CAPRIN1: variants seen among roughly 807,000 people sequenced by gnomAD.
CAPRIN1 encodes caprin-1.
CAPRIN1 carries 29 observed loss-of-function variants against 100.9 expected under a neutral mutation model. That is an observed-to-expected ratio of 0.29 (90% CI 0.21 to 0.39). The LOEUF (loss-of-function observed/expected upper bound fraction) is 0.39. Among genes scored for constraint, CAPRIN1 ranks in the 10% least tolerant of loss-of-function variants. CAPRIN1 has a pLI of 1.00. For missense variants in CAPRIN1, 795 were observed against 876.7 expected (o/e 0.91, Z 1.18); for synonymous variants, 338 against 307.5 (o/e 1.10, Z -1.04).
chr11:34,063,654 A>G (rs1850627384), intron 2 of CAPRIN1, among the ~76,000 whole-genome samples: 1 of 152,116 alleles, frequency 6.6e-6, no homozygotes, highest in Non-Finnish European at 1.5e-5. Context: ...CCTGATTTTT[A>G]TCTTGCTCAT....
chr11:34,068,035 C>T (rs1021660098), intron 2 of CAPRIN1, among the ~76,000 whole-genome samples: 1 of 152,164 alleles, frequency 6.6e-6, no homozygotes, highest in Non-Finnish European at 1.5e-5. Flanking sequence ...GGGATTCAGA[C>T]AGGGCACACA....
chr11:34,078,257 GTTTA>G (rs1850943200), intron 6 of CAPRIN1, among the ~76,000 whole-genome samples: 2 of 152,170 alleles, frequency 1.3e-5, no homozygotes, highest in South Asian at 4.1e-4. Flanking sequence ...GTTGTTGGTA[GTTTA>G]TTAAGATTAA....
chr11:34,071,867 T>A, intron 3 of CAPRIN1, 34 bp from the exon 4 acceptor site: 2 of 1,597,914 alleles, frequency 1.3e-6, no homozygotes, highest in Non-Finnish European at 8.6e-7. Context: ...GTTTTTTGTC[T>A]TTCCAGTAAA....
chr11:34,085,989 G>A (rs1851134021), intron 9 of CAPRIN1, 75 bp from the exon 10 acceptor site: 2 of 1,216,666 alleles, frequency 1.6e-6, no homozygotes, highest in Admixed American at 2.0e-5. Context: ...TGTAGTGTGG[G>A]GGACCCATCA....
At chr11:34,080,840 G>A (rs908479577) in intron 7 of CAPRIN1, among the ~76,000 whole-genome samples, 3 of 152,316 alleles carry the variant, frequency 2.0e-5, no homozygotes, top group African/African-American at 7.2e-5. Flanking sequence ...CTTAGTAACT[G>A]GTAGCTAGTA....
chr11:34,068,564 A>G (rs998866845), intron 2 of CAPRIN1, among the ~76,000 whole-genome samples: 3 of 152,236 alleles, frequency 2.0e-5, no homozygotes, highest in African/African-American at 7.2e-5. Context: ...AGCTTGTCCT[A>G]CTATAGGATA....
chr11:34,076,705 T>A, intron 6 of CAPRIN1, 63 bp downstream of exon 6: 1 of 1,169,478 alleles, frequency 8.6e-7, no homozygotes, highest in South Asian at 1.3e-5. Flanking sequence ...AATTTTCTTA[T>A]GTTTATAGTT....
chr11:34,060,878 A>C (rs1315702846), intron 2 of CAPRIN1, among the ~76,000 whole-genome samples: 1 of 152,252 alleles, frequency 6.6e-6, no homozygotes, highest in Non-Finnish European at 1.5e-5. Context: ...GCTTGGTTAA[A>C]GCAACTAATA....
chr11:34,056,439 C>T (rs1423045250), intron 2 of CAPRIN1: 1 of 152,094 alleles, frequency 6.6e-6, no homozygotes, highest in Non-Finnish European at 1.5e-5. Context: ...GAAATATGAT[C>T]GTGTTATGTA....
intron 2 of CAPRIN1, chr11:34,062,962 A>G (rs1283226496): frequency 7.2e-5 from 11 of 152,118 alleles, no homozygotes; most frequent in Admixed American, 5.2e-4. Context: ...GGAGTTTATC[A>G]TCTCTCTTTG....
chr11:34,063,577 TCTA>T, intron 2 of CAPRIN1, among the ~76,000 whole-genome samples: 1 of 152,294 alleles, frequency 6.6e-6, no homozygotes, highest in Non-Finnish European at 1.5e-5. Flanking sequence ...GACTCTGACA[TCTA>T]CTGGGTGTGG....
At position 34,099,021 on chromosome 11, in the gene CAPRIN1, A is replaced by G. The variant is rs1003551805; in HGVS notation, c.2066-282A>G. ...CCAACGCTTGATGATGGTGCCTGGC[A>G]CATAGTAGGCACTCAATAAATATTT... On this transcript the variant is annotated intron_variant, in intron 18 of 18. Transcript: ENST00000341394. 10 of 1,299,946 alleles carry G rather than the reference A, an allele frequency of 7.7e-6. No homozygotes were observed. In the African/African-American group the frequency reaches 1.3e-4, roughly 17 times the overall value. 80.5% of individuals were successfully genotyped at this position (1,299,946 alleles called of 1,614,324 possible).
rs1850974455 is a variant in CAPRIN1, at chr11:34,079,713, GGAA to G, written c.780_782del (p.Glu261del). 6.2e-7 allele frequency: 1 copy of G among 1,613,998 alleles called. No homozygotes were observed. The highest frequency in any genetic ancestry group is 1.7e-5 in the Admixed American group (1 of 60,000). On this transcript the variant is annotated inframe_deletion, in exon 7 of 19. Transcript: ENST00000341394. ...ACAACCACCAGAATGGGCTGTGTGAGGAAGAAGAGGCAGCCTCAGCACCTGCAG... is the reference window on the plus strand; with the variant it reads ...ACAACCACCAGAATGGGCTGTGTGAGGAAGAGGCAGCCTCAGCACCTGCAG...
In CAPRIN1 at chr11:34,086,374, A is replaced by G. The variant is rs1414978752; in HGVS notation, c.1192A>G (p.Thr398Ala). Residue 398 changes from threonine (T) to alanine (A), a missense_variant, in exon 11 of 19, where the codon ACA becomes GCA. By Grantham distance (58) the Thr-to-Ala change is moderately conservative. Transcript: ENST00000341394. ...TGTATCTGCACAGCCTATGAATCCA[A>G]CACAAAACATGGACATGCCCCAGCT... ...AIVSAQPMNP[T>A]QNMDMPQLVC... 4 of 1,613,862 alleles carry G rather than the reference A, an allele frequency of 2.5e-6. No individual in the cohort carries two copies. Among genetic ancestry groups the G allele is most frequent in the South Asian group, 2.2e-5 (2 of 91,026 alleles).
At chr11:34,052,319 C>CTA in intron 1 of CAPRIN1, 102 bp from the exon 2 acceptor site, 2 of 995,146 alleles carry the variant, frequency 2.0e-6, no homozygotes, top group South Asian at 2.8e-5. Context: ...CGTAGGCTAC[C>CTA]GCTCGCTGCG....
At chr11:34,097,638 A>G in intron 17 of CAPRIN1, 60 bp from the exon 18 acceptor site, 1 of 1,596,112 alleles carries the variant, frequency 6.3e-7, no homozygotes. Flanking sequence ...GACTGAAAGA[A>G]TAGATGGGTA....
intron 11 of CAPRIN1, among the ~76,000 whole-genome samples, chr11:34,086,853 T>G (rs528766269): frequency 9.8e-5 from 15 of 152,310 alleles, no homozygotes; most frequent in Admixed American, 3.3e-4. Flanking sequence ...TTGCTTGGCT[T>G]TTAAAATTTC....
intron 2 of CAPRIN1, among the ~76,000 whole-genome samples, chr11:34,059,733 G>C (rs939288387): frequency 2.6e-5 from 4 of 152,078 alleles, no homozygotes; most frequent in Non-Finnish European, 5.9e-5. Flanking sequence ...TGTTAAAATG[G>C]ATTAATCCAT....
At chr11:34,063,204 C>G (rs897498530) in intron 2 of CAPRIN1, 16 of 152,082 alleles carry the variant, frequency 1.1e-4, no homozygotes, top group Admixed American at 9.8e-4. Flanking sequence ...AGATGTATTG[C>G]AATTCAGCAC....
Sources: gnomAD v4.1 joint callset for allele counts (sites outside exome capture counted in the v4.1 genomes callset) on GRCh38, gnomAD v4.1.1 for gene constraint, MANE v1.5 for transcripts, NCBI Gene and HGNC (gene_info 2026-07-23, HGNC 2026-07-21) for gene names.